HELQ: variants seen among roughly 807,000 people sequenced by gnomAD.
The protein encoded by HELQ is helicase, POLQ like, also known as helicase POLQ-like.
HELQ carries 77 observed loss-of-function variants against 111.6 expected under a neutral mutation model. The ratio of observed to expected loss-of-function variants is 0.69; its 90% CI spans 0.57 to 0.83. The LOEUF is 0.83. Among genes scored for constraint, HELQ ranks in the 40% least tolerant of loss-of-function variants. HELQ has a pLI of 0.00. For synonymous variants in HELQ, 438 were observed against 454.7 expected (o/e 0.96, Z 0.47); for missense variants, 1,200 against 1,288.5 (o/e 0.93, Z 1.05).
rs545990382 is a variant in HELQ, at chr4:83,442,700, C to T, written c.1563+817G>A. Among the ~76,000 whole-genome samples, 169 of 151,872 alleles carry T rather than the reference C, an allele frequency of 1.1e-3. 2 individuals are homozygous for T. The highest frequency in any genetic ancestry group is 9.7e-4 in the Non-Finnish European group (66 of 67,932). On this transcript the variant is annotated intron_variant, in intron 6 of 17. Coordinates refer to ENST00000295488, the MANE Select transcript of HELQ (RefSeq NM_133636.5). Reference sequence around the variant, plus strand: ...TGCTGGGATTACAGGTGTGAGCCACCGCGCCTGGCTGCCCTAATTTTTTAA... The same window carrying T: ...TGCTGGGATTACAGGTGTGAGCCACTGCGCCTGGCTGCCCTAATTTTTTAA...
intron 17 of HELQ, among the ~76,000 whole-genome samples, chr4:83,413,839 G>T (rs534197756): frequency 1.2e-4 from 19 of 152,310 alleles, no homozygotes; most frequent in African/African-American, 4.1e-4. Context: ...AGCCCCAGTT[G>T]CCTCCAATTA....
At position 83,441,383 on chromosome 4, in the gene HELQ, C is replaced by A; in HGVS notation, c.1584G>T (p.Leu528=). The A allele has an allele frequency of 6.4e-7, 1 of 1,559,634 alleles. No homozygotes were observed. The highest frequency in any genetic ancestry group is 1.1e-5 in the South Asian group (1 of 87,102). ...CTTCATATATTGTATCATTTATTTT[C>A]AGATATTCTTTTAACTCAACCTTGA... The part of the protein sequence containing the change: ...QFRPVELKEY[L]KINDTIYEVD... Residue 528 remains leucine (L), a synonymous_variant, in exon 7 of 18, where the codon CTG becomes CTT. Transcript: ENST00000295488.
chr4:83,453,253 G>C lies in HELQ; in HGVS notation c.990C>G (p.Phe330Leu). Residue 330 changes from phenylalanine to leucine, a missense_variant, in exon 2 of 18, where the codon TTC becomes TTG. Transcript: ENST00000295488. ...PSKVRDLYAQ[F>L]KGIEKLYEWQ... Reference sequence around the variant, plus strand: ...TACCATATAATTTTTCAATTCCCTTGAATTGGGCATAAAGGTCTCTCACTT... The same window carrying C: ...TACCATATAATTTTTCAATTCCCTTCAATTGGGCATAAAGGTCTCTCACTT... 1 of 1,606,428 alleles carries C rather than the reference G, an allele frequency of 6.2e-7. No homozygotes were observed. Among genetic ancestry groups the C allele is most frequent in the Non-Finnish European group, 8.5e-7 (1 of 1,177,582 alleles).
Position 83,455,409 on chromosome 4 carries a change from C to A in HELQ, c.285G>T (p.Gly95=), listed in dbSNP as rs762660087. Residue 95 remains glycine (G), a synonymous_variant, in exon 1 of 18, where the codon GGG becomes GGT. Transcript: ENST00000295488. ...DLLRHMPTDR[G]VGDQPNDSEV... is the part of the protein sequence containing the mutation. ...AAGTCCTCCGTACCTGGTCTCCCACCCCTCTGTCAGTGGGCATGTGACGTA... is the reference window on the plus strand; with the variant it reads ...AAGTCCTCCGTACCTGGTCTCCCACACCTCTGTCAGTGGGCATGTGACGTA... 1.2e-6 allele frequency: 2 copies of A among 1,612,606 alleles called. No homozygotes were observed. The highest frequency in any genetic ancestry group is 2.7e-5 in the African/African-American group (2 of 74,890).
At chr4:83,412,770 T>C (rs1468172703) in intron 17 of HELQ, among the ~76,000 whole-genome samples, 1 of 152,016 alleles carries the variant, frequency 6.6e-6, no homozygotes, top group African/African-American at 2.4e-5. Flanking sequence ...GCTGCAGTGA[T>C]CTATGATTGT....
chr4:83,411,501 G>T (rs1739094479), intron 17 of HELQ, among the ~76,000 whole-genome samples: 1 of 151,568 alleles, frequency 6.6e-6, no homozygotes, highest in African/African-American at 2.4e-5. Flanking sequence ...TTACTTGGGA[G>T]GCTGAAGTAG....
chr4:83,453,905 C>T lies in HELQ; in HGVS notation c.338G>A (p.Ser113Asn), dbSNP rs199666920. 2.4e-5 allele frequency: 38 copies of T among 1,613,430 alleles called. No homozygotes were observed. The highest frequency in any genetic ancestry group is 3.3e-4 in the Middle Eastern group (2 of 6,060). The change falls in exon 2 of 18, where the codon AGC becomes AAC. Residue 113 changes from serine to asparagine, a missense_variant. Coordinates refer to ENST00000295488, the MANE Select transcript of HELQ (RefSeq NM_133636.5). Reference protein sequence around the residue: ...SEVDMFGDYDSFTENSFIAQV... With the variant: ...SEVDMFGDYDNFTENSFIAQV... The stretch of plus-strand genomic sequence containing the variant: ...AGCTATAAAGGAGTTTTCAGTAAAG[C>T]TATCATAGTCACCAAACATGTCCAC...
In HELQ at chr4:83,453,399, G is replaced by C; in HGVS notation, c.844C>G (p.Pro282Ala). ...AGCTGTTTACTTCTAGAAAATATTG[G>C]TGTCTGGGCCTTCGCATTTCCAGTC... ...AMTGNAKAQT[P>A]IFSRSKQLKD... The change falls in exon 2 of 18, where the codon CCA becomes GCA. Residue 282 changes from proline (P) to alanine (A), a missense_variant. Physicochemically the swap from Pro to Ala is conservative, Grantham distance 27. Coordinates refer to ENST00000295488, the MANE Select transcript of HELQ (RefSeq NM_133636.5). The C allele has an allele frequency of 6.2e-7, 1 of 1,605,424 alleles. No individual in the cohort carries two copies.
chr4:83,442,991 T>C (rs926614786), intron 6 of HELQ, among the ~76,000 whole-genome samples: 4 of 152,176 alleles, frequency 2.6e-5, no homozygotes, highest in African/African-American at 9.7e-5. Flanking sequence ...ACAAGCTATT[T>C]TCAAATAACC....
At chr4:83,441,833 G>A (rs1404359155) in intron 6 of HELQ, among the ~76,000 whole-genome samples, 1 of 147,384 alleles carries the variant, frequency 6.8e-6, no homozygotes, top group Non-Finnish European at 1.5e-5. Flanking sequence ...GAGTGCAGTA[G>A]CATGATCACA....
chr4:83,446,328 C>T (rs572970860), intron 4 of HELQ, among the ~76,000 whole-genome samples: 3 of 151,744 alleles, frequency 2.0e-5, no homozygotes, highest in African/African-American at 4.8e-5. Flanking sequence ...TTTTTTTAAA[C>T]GGAGTTTGGC....
At chr4:83,432,655 T>C (rs1397485194) in intron 9 of HELQ, among the ~76,000 whole-genome samples, 1 of 152,176 alleles carries the variant, frequency 6.6e-6, no homozygotes, top group Non-Finnish European at 1.5e-5. Flanking sequence ...AAATAAAAAA[T>C]ATGACCATAC....
intron 17 of HELQ, among the ~76,000 whole-genome samples, chr4:83,408,961 G>A (rs77907409): frequency 0.019 from 2,866 of 152,256 alleles, 89 homozygotes; most frequent in African/African-American, 0.065. Context: ...GAAAGGCAAT[G>A]CTTTTAGGGG....
At chr4:83,436,661 C>A (rs757598174) in intron 9 of HELQ, among the ~76,000 whole-genome samples, 197 bp downstream of exon 9, 1 of 152,090 alleles carries the variant, frequency 6.6e-6, no homozygotes, top group African/African-American at 2.4e-5. Context: ...AATCTATTAA[C>A]GTTATTTTTC....
intron 9 of HELQ, among the ~76,000 whole-genome samples, chr4:83,433,071 A>C (rs1720242750): frequency 6.6e-6 from 1 of 152,014 alleles, no homozygotes; most frequent in African/African-American, 2.4e-5. Context: ...TAAAAAAAAA[A>C]AGCAATTTCA....
intron 15 of HELQ, among the ~76,000 whole-genome samples, chr4:83,421,036 C>A (rs1407648173): frequency 6.6e-6 from 1 of 152,182 alleles, no homozygotes; most frequent in Non-Finnish European, 1.5e-5. Context: ...ATCTCGAACT[C>A]CTGGGCTCAA....
At chr4:83,408,503 A>G (rs1245126302) in intron 17 of HELQ, among the ~76,000 whole-genome samples, 1 of 150,942 alleles carries the variant, frequency 6.6e-6, no homozygotes, top group Non-Finnish European at 1.5e-5. Flanking sequence ...TGCCTGCCTC[A>G]GCCTCCCAAA....
Position 83,439,860 on chromosome 4 carries a change from T to A in HELQ, c.1808+3A>T. 1 of 1,555,748 alleles carries A rather than the reference T, an allele frequency of 6.4e-7. No homozygotes were observed. Among genetic ancestry groups the A allele is most frequent in the East Asian group, 2.3e-5 (1 of 44,430 alleles). On this transcript the variant is annotated splice_donor_region_variant and intron_variant, in intron 8 of 17. Transcript: ENST00000295488. ...ACAGGCTATTTAAAAAATATTAACA[T>A]ACTTGCTTAAAAATTTGCATATCAT...
At chr4:83,425,819 A>AT (rs1719819228) in intron 14 of HELQ, among the ~76,000 whole-genome samples, 175 bp downstream of exon 14, 1 of 152,214 alleles carries the variant, frequency 6.6e-6, no homozygotes, top group South Asian at 2.1e-4. Context: ...ATATTCATAC[A>AT]TTTTGGGTGC....
Sources: allele counts gnomAD v4.1 joint callset (sites outside exome capture counted in the v4.1 genomes callset), GRCh38; gene constraint gnomAD v4.1.1; transcripts MANE v1.5; gene names NCBI Gene and HGNC (gene_info 2026-07-23, HGNC 2026-07-21).